Variants in PFKP observed in about 807,000 individuals in gnomAD.
The protein encoded by PFKP is phosphofructokinase, platelet.
A neutral mutation model predicts 94.3 loss-of-function variants in PFKP; 101 were observed. That is an observed-to-expected ratio of 1.07 (90% confidence interval 0.91 to 1.26). PFKP has a LOEUF of 1.26. Among genes scored for constraint, PFKP ranks in the 50% most tolerant of loss-of-function variants. The pLI, the probability that PFKP is intolerant of heterozygous loss-of-function variation, is 0.00. For synonymous variants in PFKP, 573 were observed against 432.6 expected, an observed-to-expected ratio of 1.32 and a Z score of -4.03; for missense variants, 1,145 against 1,103.3, an observed-to-expected ratio of 1.04 and a Z score of -0.53.
intron 1 of PFKP, among the ~76,000 whole-genome samples, chr10:3,072,639 C>A (rs980804560): frequency 6.6e-6 from 1 of 151,938 alleles, no homozygotes; most frequent in Non-Finnish European, 1.5e-5. Flanking sequence ...AATGACCCTT[C>A]GAAGCTAGAC....
In PFKP at chr10:3,134,471, AACC is replaced by A. The variant is rs752905235; in HGVS notation, c.2023-7_2023-5del. ...TATAACTGGTATTTCATATAACTCT[AACC>A]ACCAACAGGGTGGGGCACCCTCTCC... On this transcript the variant is annotated splice_polypyrimidine_tract_variant and intron_variant, in intron 19 of 21. Coordinates refer to ENST00000381125, the MANE Select transcript of PFKP (RefSeq NM_002627.5). The A allele has an allele frequency of 7.2e-5, 110 of 1,528,304 alleles. 2 individuals are homozygous for A. In the South Asian group the frequency reaches 1.1e-3, roughly 15 times the overall value. The allele number at this position is 1,528,304 out of a possible 1,614,324, so 94.7% of individuals were successfully genotyped here. A position where few individuals can be genotyped will look rare whatever the true frequency, so the allele number is the denominator to read the frequency against.
chr10:3,129,470 C>T lies in PFKP; in HGVS notation c.1684-349C>T, dbSNP rs1166159247. On this transcript the variant is annotated intron_variant, in intron 16 of 21. Transcript: ENST00000381125. Reference sequence around the variant, plus strand: ...TGTCTGTGTCCGGTGAAAGCGGCTTCAGCAGGGACAGTCACAGAGCAGCGT... The same window carrying T: ...TGTCTGTGTCCGGTGAAAGCGGCTTTAGCAGGGACAGTCACAGAGCAGCGT... The T allele has an allele frequency of 2.1e-5, 5 of 241,280 alleles. No individual in the cohort carries two copies. In the Admixed American group the frequency reaches 2.5e-4, roughly 12 times the overall value. The allele number at this position is 241,280 out of a possible 1,614,324, so 14.9% of individuals were successfully genotyped here.
At chr10:3,121,581 GTTTTTTT>G (rs10528387) in intron 16 of PFKP, among the ~76,000 whole-genome samples, 1 of 133,050 alleles carries the variant, frequency 7.5e-6, no homozygotes. Flanking sequence ...ATAAATAACT[GTTTTTTT>G]TTTTTTTTTT....
chr10:3,108,578 CTT>C (rs1260074907), intron 8 of PFKP, 121 bp from the exon 9 acceptor site: 2 of 688,642 alleles, frequency 2.9e-6, no homozygotes, highest in Admixed American at 2.5e-5. Context: ...TTAGAAATAA[CTT>C]TTCCCATTTA....
chr10:3,101,698 CA>C (rs1002898228), intron 4 of PFKP, 144 bp downstream of exon 4: 11 of 573,398 alleles, frequency 1.9e-5, no homozygotes, highest in Non-Finnish European at 2.4e-5. Flanking sequence ...TTTAGGATCT[CA>C]AAAAACAACA....
chr10:3,134,067 C>T (rs1048510951), intron 19 of PFKP, among the ~76,000 whole-genome samples: 2 of 152,190 alleles, frequency 1.3e-5, no homozygotes, highest in Non-Finnish European at 2.9e-5. Context: ...TTCCTCACCA[C>T]CTCCTATTCT....
intron 1 of PFKP, among the ~76,000 whole-genome samples, chr10:3,077,111 G>A (rs1832655385): frequency 6.6e-6 from 1 of 152,114 alleles, no homozygotes; most frequent in African/African-American, 2.4e-5. Context: ...ACAAGTGAGT[G>A]ATCAGGAGTG....
chr10:3,135,014 T>TTGTAGAA (rs1305409977), intron 20 of PFKP, among the ~76,000 whole-genome samples: 1 of 152,222 alleles, frequency 6.6e-6, no homozygotes, highest in Admixed American at 6.5e-5. Context: ...AACTGCATGT[T>TTGTAGAA]CGTAGAACTG....
chr10:3,092,498 TTA>T (rs1480904799), intron 2 of PFKP, among the ~76,000 whole-genome samples: 6 of 151,766 alleles, frequency 4.0e-5, no homozygotes, highest in African/African-American at 1.5e-4. Flanking sequence ...GCGTATTATA[TTA>T]ATGTATTTCA....
At chr10:3,088,627 C>T (rs541790556) in intron 2 of PFKP, among the ~76,000 whole-genome samples, 1 of 152,176 alleles carries the variant, frequency 6.6e-6, no homozygotes, top group Non-Finnish European at 1.5e-5. Flanking sequence ...ACACTCACTG[C>T]TTTTTAAAAC....
At chr10:3,117,310 A>G (rs1836932869) in intron 14 of PFKP, among the ~76,000 whole-genome samples, 1 of 152,030 alleles carries the variant, frequency 6.6e-6, no homozygotes, top group Non-Finnish European at 1.5e-5. Context: ...TAGTCTAAAA[A>G]TCTCTTTTTC....
At chr10:3,067,796 G>A in intron 1 of PFKP, 89 bp downstream of exon 1, 1 of 539,940 alleles carries the variant, frequency 1.9e-6, no homozygotes, top group Non-Finnish European at 3.0e-6. Flanking sequence ...CCGGAGAGAA[G>A]AGGGGGGAAG....
At chr10:3,118,923 T>C (rs1369696408) in intron 15 of PFKP, 54 bp downstream of exon 15, 2 of 1,378,392 alleles carry the variant, frequency 1.5e-6, no homozygotes, top group Non-Finnish European at 2.1e-6. Flanking sequence ...GCGCCCTGTG[T>C]TGGCTAAACA....
intron 19 of PFKP, among the ~76,000 whole-genome samples, 182 bp from the exon 20 acceptor site, chr10:3,134,301 C>T (rs1564361261): frequency 1.3e-5 from 2 of 152,188 alleles, no homozygotes; most frequent in East Asian, 3.8e-4. Flanking sequence ...GCGGGGGGAA[C>T]ACTTGATACT....
At position 3,115,400 on chromosome 10, in the gene PFKP, CGGGGTG is replaced by C. The variant is rs1836708612; in HGVS notation, c.1372-1375_1372-1370del. On this transcript the variant is annotated intron_variant, in intron 13 of 21. Transcript: ENST00000381125. Reference sequence around the variant, plus strand: ...CAGCTGAGAACAGGACTGGGGATGCCGGGGTGAAGGTGTGTGTCCCGCCATGGAGGA... The same window carrying C: ...CAGCTGAGAACAGGACTGGGGATGCCAAGGTGTGTGTCCCGCCATGGAGGA... 7.7e-5 allele frequency among the ~76,000 whole-genome samples: 3 copies of C among 38,980 alleles called. 1 individual carries two copies. The highest frequency in any genetic ancestry group is 3.0e-3 in the South Asian group (2 of 674). 25.6% of individuals were successfully genotyped at this position (38,980 alleles called of 152,430 possible). A position where few individuals can be genotyped will look rare whatever the true frequency, so the allele number is the denominator to read the frequency against.
intron 1 of PFKP, chr10:3,069,537 T>G: frequency 1.5e-6 from 1 of 679,850 alleles, no homozygotes. Context: ...AACTGATCTC[T>G]GGAAGCCACC....
At chr10:3,101,980 G>A (rs142419338) in intron 4 of PFKP, among the ~76,000 whole-genome samples, 2,272 of 150,838 alleles carry the variant, frequency 0.015, 40 homozygotes, top group African/African-American at 0.034. Flanking sequence ...GGCCGGGCGC[G>A]GTGGCTCACG....
intron 1 of PFKP, among the ~76,000 whole-genome samples, chr10:3,071,429 T>TG (rs1425704314): frequency 9.2e-5 from 3 of 32,722 alleles, no homozygotes; most frequent in Non-Finnish European, 1.5e-4. Context: ...CTCAGGCTGT[T>TG]TTTTTTTTTT....
chr10:3,092,320 C>G (rs2388591), intron 2 of PFKP, among the ~76,000 whole-genome samples: 2,961 of 152,262 alleles, frequency 0.019, 93 homozygotes, highest in African/African-American at 0.068. Flanking sequence ...ATCATGCTTC[C>G]CTTCTTTAGT....
Sources: allele counts gnomAD v4.1 joint callset (sites outside exome capture counted in the v4.1 genomes callset), GRCh38; gene constraint gnomAD v4.1.1; transcripts MANE v1.5; gene names NCBI Gene and HGNC (gene_info 2026-07-23, HGNC 2026-07-21).